The following PCTP variants were observed in gnomAD, a reference collection of about 807,000 sequenced individuals.
The protein encoded by PCTP is phosphatidylcholine transfer protein.
Under a neutral mutation model 31.0 loss-of-function variants are expected in PCTP, and 27 were observed. That is an observed-to-expected ratio of 0.87 (90% CI 0.64 to 1.20). PCTP has a LOEUF of 1.20. Among genes scored for constraint, PCTP ranks in the 50% most tolerant of loss-of-function variants. PCTP has a pLI of 0.00. For missense variants in PCTP, 287 were observed against 268.2 expected (o/e 1.07, Z -0.49); for synonymous variants, 108 against 101.2 (o/e 1.07, Z -0.40).
chr17:55,798,356 A>G (rs1002386337), intron 3 of PCTP, among the ~76,000 whole-genome samples: 1 of 152,148 alleles, frequency 6.6e-6, no homozygotes, highest in Non-Finnish European at 1.5e-5. Context: ...TTACAGCTTC[A>G]AAAAGTGTTA....
chr17:55,784,797 T>C (rs9915167), intron 2 of PCTP, among the ~76,000 whole-genome samples: 6,446 of 152,316 alleles, frequency 0.042, 443 homozygotes, highest in African/African-American at 0.14. Flanking sequence ...AAATCCAAAC[T>C]ACTGAGACCT....
At chr17:55,780,798 A>G (rs1404367963), downstream of PCTP, among the ~76,000 whole-genome samples, 2 of 152,194 alleles carry the variant, frequency 1.3e-5, no homozygotes, top group African/African-American at 2.4e-5. Context: ...CATAAATAAT[A>G]TGTGCCACTT....
chr17:55,829,663 A>T (rs1344186904), intron 5 of PCTP, among the ~76,000 whole-genome samples: 2 of 151,134 alleles, frequency 1.3e-5, no homozygotes, highest in Non-Finnish European at 2.9e-5. Context: ...CAACTACTTC[A>T]TCTATACAGT....
At chr17:55,794,893 A>G (rs1042684706) in intron 3 of PCTP, among the ~76,000 whole-genome samples, 5 of 151,994 alleles carry the variant, frequency 3.3e-5, no homozygotes, top group Admixed American at 6.6e-5. Context: ...TACCACAAGA[A>G]TCCCAGAAAA....
At chr17:55,754,440 G>A (rs952745290) in intron 1 of PCTP, among the ~76,000 whole-genome samples, 2 of 152,168 alleles carry the variant, frequency 1.3e-5, no homozygotes, top group Non-Finnish European at 2.9e-5. Flanking sequence ...AAGGATCTTG[G>A]AACTTCCATG....
At chr17:55,852,673 G>A in the PCTP span, among the ~76,000 whole-genome samples, 1 of 151,504 alleles carries the variant, frequency 6.6e-6, no homozygotes, top group African/African-American at 2.4e-5. Flanking sequence ...AATTCATCTA[G>A]GAGTGAAACT....
intron 3 of PCTP, among the ~76,000 whole-genome samples, chr17:55,796,091 C>T (rs561013374): frequency 2.0e-5 from 3 of 151,784 alleles, no homozygotes; most frequent in Admixed American, 6.6e-5. Context: ...AGTAATAGTA[C>T]GAATTAAGGC....
chr17:55,772,948 A>G (rs1911093427), intron 3 of PCTP, among the ~76,000 whole-genome samples: 1 of 152,156 alleles, frequency 6.6e-6, no homozygotes, highest in Admixed American at 6.5e-5. Context: ...TCCAAATTTA[A>G]GCTGTATGTC....
At chr17:55,852,492 G>T in the PCTP span, among the ~76,000 whole-genome samples, 3 of 152,120 alleles carry the variant, frequency 2.0e-5, no homozygotes, top group African/African-American at 7.2e-5. Context: ...ATTTTACCTG[G>T]CTGAATGTTT....
intron 3 of PCTP, among the ~76,000 whole-genome samples, chr17:55,797,079 G>A (rs571140772): frequency 1.3e-5 from 2 of 151,878 alleles, no homozygotes; most frequent in Non-Finnish European, 2.9e-5. Flanking sequence ...CACATTTCCA[G>A]AAAGAATATT....
chr17:55,777,752 T>C (rs1301389312), downstream of PCTP, among the ~76,000 whole-genome samples: 1 of 152,256 alleles, frequency 6.6e-6, no homozygotes, highest in Non-Finnish European at 1.5e-5. Context: ...ATCTATGCCC[T>C]GCTCATTATG....
In PCTP at chr17:55,776,337, C is replaced by G. The variant is rs533587297; in HGVS notation, c.*237C>G. On this transcript the variant is annotated 3_prime_UTR_variant, in exon 6 of 6. Coordinates refer to ENST00000268896, the MANE Select transcript of PCTP (RefSeq NM_021213.4). ...CGTCTGCTTCCTTTCTCGCTCCCCC[C>G]ATCCTGGGCTGGGCTGCCTTCTTCT... 283 of 1,357,196 alleles carry G rather than the reference C, an allele frequency of 2.1e-4. 5 individuals are homozygous for G. In the South Asian group the frequency reaches 4.3e-3, roughly 21 times the overall value. The allele number at this position is 1,357,196 out of a possible 1,614,324, so 84.1% of individuals were successfully genotyped here. A position where few individuals can be genotyped will look rare whatever the true frequency, so the allele number is the denominator to read the frequency against.
rs772460708 is a variant in PCTP at position 55,776,265 on chromosome 17, C to T, written c.*165C>T. ...CTGTTTCTGTCTTCAGAGGCCTACA[C>T]ACTACCACATCCTTTCTAAGCATGT... On this transcript the variant is annotated 3_prime_UTR_variant, in exon 6 of 6. Coordinates refer to ENST00000268896, the MANE Select transcript of PCTP (RefSeq NM_021213.4). The T allele has an allele frequency of 3.6e-5, 51 of 1,422,976 alleles. No homozygotes were observed. Among genetic ancestry groups the T allele is most frequent in the Non-Finnish European group, 4.5e-5 (49 of 1,089,878 alleles). 88.1% of individuals were successfully genotyped at this position (1,422,976 alleles called of 1,614,324 possible).
chr17:55,755,218 G>A (rs60959625), intron 1 of PCTP, among the ~76,000 whole-genome samples: 9,490 of 152,142 alleles, frequency 0.062, 295 homozygotes, highest in African/African-American at 0.067. Flanking sequence ...TTAAGGACCC[G>A]ATTGTGCATA....
intron 3 of PCTP, among the ~76,000 whole-genome samples, chr17:55,793,008 C>T (rs907233672): frequency 1.3e-5 from 2 of 152,086 alleles, no homozygotes; most frequent in Non-Finnish European, 2.9e-5. Flanking sequence ...TCTCCCCATG[C>T]CCTTCAACCT....
downstream of PCTP, among the ~76,000 whole-genome samples, chr17:55,823,677 T>C (rs1905304943): frequency 6.6e-6 from 1 of 152,246 alleles, no homozygotes; most frequent in Non-Finnish European, 1.5e-5. Context: ...TTCCTTGTGA[T>C]AGGAAATGTT....
chr17:55,770,921 T>G, intron 2 of PCTP, 185 bp from the exon 3 acceptor site: 1 of 489,620 alleles, frequency 2.0e-6, no homozygotes, highest in Non-Finnish European at 3.6e-6. Flanking sequence ...TATATAGAGA[T>G]GGGGTTTCAC....
At chr17:55,843,775 C>T (rs9905189), downstream of PCTP, among the ~76,000 whole-genome samples, 26,470 of 152,044 alleles carry the variant, frequency 0.17, 4,188 homozygotes, top group African/African-American at 0.43. Context: ...CCCCAGCTTC[C>T]AGAATAGAGT....
chr17:55,833,198 T>G (rs1337202986), intron 5 of PCTP, among the ~76,000 whole-genome samples: 1 of 152,102 alleles, frequency 6.6e-6, no homozygotes, highest in Non-Finnish European at 1.5e-5. Context: ...AGAGATAAAA[T>G]AATTCAATTA....
Sources: allele counts gnomAD v4.1 joint callset (sites outside exome capture counted in the v4.1 genomes callset), GRCh38; gene constraint gnomAD v4.1.1; transcripts MANE v1.5; gene names NCBI Gene and HGNC (gene_info 2026-07-23, HGNC 2026-07-21).